SLCO3A1: variants seen among roughly 807,000 people sequenced by gnomAD.
The protein encoded by SLCO3A1 is PGE1 transporter.
In SLCO3A1, 27 loss-of-function variants were observed where a neutral mutation model predicts 63.1. That is an observed-to-expected ratio of 0.43 (90% CI 0.32 to 0.59). SLCO3A1 has a LOEUF of 0.59. Ranked by LOEUF, SLCO3A1 falls within the 20% of genes least tolerant of loss-of-function variation. The probability of loss-of-function intolerance (pLI) is 0.09; values close to 1 mark genes in which losing one functional copy is unlikely to be tolerated. For synonymous variants in SLCO3A1, 473 were observed against 409.9 expected (o/e 1.15, Z -1.86); for missense variants, 773 against 945.8 (o/e 0.82, Z 2.40).
At chr15:91,944,985 G>A (rs1899754656) in intron 2 of SLCO3A1, among the ~76,000 whole-genome samples, 1 of 152,150 alleles carries the variant, frequency 6.6e-6, no homozygotes, top group Non-Finnish European at 1.5e-5. Context: ...TAATTGAATT[G>A]TCTTTGAACA....
chr15:92,041,287 G>A (rs2046793593), intron 2 of SLCO3A1, among the ~76,000 whole-genome samples: 1 of 152,146 alleles, frequency 6.6e-6, no homozygotes, highest in Admixed American at 6.6e-5. Context: ...TATTTATCCA[G>A]GGCACACATC....
At chr15:92,013,055 G>A (rs1176399628) in intron 2 of SLCO3A1, among the ~76,000 whole-genome samples, 2 of 152,214 alleles carry the variant, frequency 1.3e-5, no homozygotes, top group African/African-American at 4.8e-5. Context: ...CGAGGCTTCA[G>A]CTTCCAGAGA....
chr15:92,144,558 C>G (rs1255283502), intron 7 of SLCO3A1, among the ~76,000 whole-genome samples: 2 of 152,222 alleles, frequency 1.3e-5, no homozygotes, highest in Non-Finnish European at 2.9e-5. Flanking sequence ...GCAACGGTAA[C>G]TTCTGTTGTC....
intron 1 of SLCO3A1, among the ~76,000 whole-genome samples, chr15:91,861,847 C>T (rs1897055874): frequency 6.6e-6 from 1 of 151,208 alleles, no homozygotes; most frequent in Non-Finnish European, 1.5e-5. Flanking sequence ...ATCATGTTGT[C>T]CAGGCTGGTC....
In SLCO3A1 at chr15:91,865,715, C is replaced by T. The variant is rs1157644031; in HGVS notation, c.180+11627C>T. Among the ~76,000 whole-genome samples, 4 of 152,180 alleles carry T rather than the reference C, an allele frequency of 2.6e-5. No individual in the cohort carries two copies. Among genetic ancestry groups the T allele is most frequent in the African/African-American group, 7.2e-5 (3 of 41,432 alleles). Reference sequence around the variant, plus strand: ...CTCTCTCTTCTTCTTCTAAGGACACCGGTCACATTGGATTAGGGCTCACCC... The same window carrying T: ...CTCTCTCTTCTTCTTCTAAGGACACTGGTCACATTGGATTAGGGCTCACCC... On this transcript the variant is annotated intron_variant, in intron 1 of 9. Coordinates refer to ENST00000318445, the MANE Select transcript of SLCO3A1 (RefSeq NM_013272.4). This position sits in a 1 kb window ranked among gnomAD's most constrained non-coding sequence, Gnocchi z 4.6.
intron 2 of SLCO3A1, among the ~76,000 whole-genome samples, chr15:92,034,281 TC>T (rs2046695243): frequency 6.6e-6 from 1 of 151,070 alleles, no homozygotes; most frequent in Non-Finnish European, 1.5e-5. Flanking sequence ...AGGCCAGAAG[TC>T]CAGCATGACC....
intron 2 of SLCO3A1, among the ~76,000 whole-genome samples, chr15:91,999,805 T>C (rs2046232099): frequency 6.6e-6 from 1 of 152,180 alleles, no homozygotes; most frequent in African/African-American, 2.4e-5. Context: ...GAAAAAAAAT[T>C]GTAAGATCAC....
chr15:92,105,048 C>T (rs141485161), intron 4 of SLCO3A1, among the ~76,000 whole-genome samples: 1 of 151,430 alleles, frequency 6.6e-6, no homozygotes, highest in African/African-American at 2.4e-5. Flanking sequence ...AGGTGGATCA[C>T]TTGAGGTCAG....
intron 5 of SLCO3A1, among the ~76,000 whole-genome samples, chr15:92,122,686 C>A (rs1011382280): frequency 1.3e-5 from 2 of 152,218 alleles, no homozygotes; most frequent in Non-Finnish European, 2.9e-5. Context: ...TATGTTCACT[C>A]ATTTACATAG....
At chr15:91,898,033 G>A (rs550562175) in intron 1 of SLCO3A1, among the ~76,000 whole-genome samples, 14 of 152,280 alleles carry the variant, frequency 9.2e-5, no homozygotes, top group East Asian at 3.9e-4. Flanking sequence ...TGCCTCTCTC[G>A]ACACGGTTTT....
intron 2 of SLCO3A1, among the ~76,000 whole-genome samples, chr15:92,081,437 T>G (rs187127183): frequency 6.6e-6 from 1 of 152,192 alleles, no homozygotes; most frequent in East Asian, 1.9e-4. Flanking sequence ...TGGTGCGATC[T>G]TGGCTCACTG....
At chr15:91,965,726 G>A (rs1900634727) in intron 2 of SLCO3A1, among the ~76,000 whole-genome samples, 1 of 131,092 alleles carries the variant, frequency 7.6e-6, no homozygotes, top group Admixed American at 7.3e-5. Context: ...AGCAGGGTGT[G>A]TGTGTGTGTG....
Position 91,958,338 on chromosome 15 carries a change from T to C in SLCO3A1, c.646+41880T>C, listed in dbSNP as rs1327376729. Among the ~76,000 whole-genome samples the C allele has an allele frequency of 2.0e-5, 3 of 152,288 alleles. No individual in the cohort carries two copies. The South Asian group carries it at 6.2e-4, about 32-fold the overall frequency. ...ATTCCAGGATCAACCGTACTTCATT[T>C]TGTATTCATCTACCATGTGTCTGGA... On this transcript the variant is annotated intron_variant, in intron 2 of 9. Transcript: ENST00000318445.
intron 7 of SLCO3A1, among the ~76,000 whole-genome samples, chr15:92,140,749 C>T (rs2048120961): frequency 6.6e-6 from 1 of 152,138 alleles, no homozygotes; most frequent in African/African-American, 2.4e-5. Context: ...TTCTTTGTCT[C>T]TTTTGATCAT....
In SLCO3A1 at chr15:91,916,219, A is replaced by C. The variant is rs756261614; in HGVS notation, c.407A>C (p.Glu136Ala). The change falls in exon 2 of 10, where the codon GAG (glutamate) becomes GCG (alanine). Residue 136 changes from glutamate to alanine, a missense_variant. Glu to Ala is a moderately radical substitution (Grantham distance 107). Transcript: ENST00000318445. The surrounding 1 kb of genome is among the most constrained non-coding windows in gnomAD (Gnocchi z 6.2). Reference protein sequence around the residue: ...PEFLTHQYKYEAGEIRWGAEG... With the variant: ...PEFLTHQYKYAAGEIRWGAEG... ...TTCCTGACCCACCAGTACAAGTACG[A>C]GGCGGGCGAGATCCGCTGGGGCGCC... The C allele has an allele frequency of 6.3e-7, 1 of 1,579,346 alleles. No homozygotes were observed. The highest frequency in any genetic ancestry group is 2.3e-5 in the East Asian group (1 of 42,758).
At chr15:91,961,456 A>G (rs1164249700) in intron 2 of SLCO3A1, among the ~76,000 whole-genome samples, 1 of 152,260 alleles carries the variant, frequency 6.6e-6, no homozygotes, top group African/African-American at 2.4e-5. Flanking sequence ...TTCTACTCTG[A>G]GGAAAGGAAA....
chr15:92,143,382 TA>T (rs368215605), intron 7 of SLCO3A1, among the ~76,000 whole-genome samples: 245 of 1,434 alleles, frequency 0.17, 44 homozygotes, highest in African/African-American at 0.21. Context: ...ATAATATATA[TA>T]ATATATATAT....
At chr15:91,978,924 G>T (rs1169048337) in intron 2 of SLCO3A1, among the ~76,000 whole-genome samples, 1 of 152,198 alleles carries the variant, frequency 6.6e-6, no homozygotes, top group Non-Finnish European at 1.5e-5. Context: ...TCAACACTTA[G>T]CATAAGCTAC....
intron 2 of SLCO3A1, among the ~76,000 whole-genome samples, chr15:92,075,226 A>G (rs1411065068): frequency 6.6e-6 from 1 of 152,106 alleles, no homozygotes; most frequent in East Asian, 1.9e-4. Context: ...TCCCCATGAC[A>G]GTGTTCCAGC....
Sources: gnomAD v4.1 joint callset for allele counts (sites outside exome capture counted in the v4.1 genomes callset) on GRCh38, gnomAD v4.1.1 for gene constraint, Gnocchi (gnomAD v3.1) non-coding constraint, MANE v1.5 for transcripts, NCBI Gene and HGNC (gene_info 2026-07-23, HGNC 2026-07-21) for gene names.